GRID2: variants seen among roughly 807,000 people sequenced by gnomAD.
GRID2 encodes glutamate ionotropic receptor delta type subunit 2, also known as glutamate receptor ionotropic, delta-2.
In GRID2, 33 loss-of-function variants were observed where a neutral mutation model predicts 114.8. That is an observed-to-expected ratio of 0.29 (90% confidence interval 0.22 to 0.38). GRID2 has a LOEUF of 0.38. Among genes scored for constraint, GRID2 ranks in the 10% least tolerant of loss-of-function variants. The pLI is 1.00. For missense variants in GRID2, 1,184 were observed against 1,257.7 expected (o/e 0.94, Z 0.89); for synonymous variants, 505 against 449.9 (o/e 1.12, Z -1.55).
chr4:93,614,448 A>C (rs1167714886), intron 13 of GRID2, among the ~76,000 whole-genome samples: 1 of 152,218 alleles, frequency 6.6e-6, no homozygotes, highest in Admixed American at 6.5e-5. Flanking sequence ...GACAACCCAG[A>C]ACACAAATGC....
At chr4:92,393,464 C>T (rs576916863) in intron 1 of GRID2, among the ~76,000 whole-genome samples, 1 of 152,240 alleles carries the variant, frequency 6.6e-6, no homozygotes, top group South Asian at 2.1e-4. Flanking sequence ...CTTCCCTGCA[C>T]TCAACCTACA....
intron 2 of GRID2, among the ~76,000 whole-genome samples, chr4:92,626,052 T>C (rs968183246): frequency 1.7e-4 from 26 of 152,024 alleles, no homozygotes; most frequent in Admixed American, 1.6e-3. Flanking sequence ...ATACCTAAAA[T>C]ACTGCATAAA....
chr4:92,993,755 A>G (rs1286548597), intron 2 of GRID2, among the ~76,000 whole-genome samples: 2 of 152,214 alleles, frequency 1.3e-5, no homozygotes, highest in Non-Finnish European at 2.9e-5. Context: ...CTTGTTCAAC[A>G]CTATTTGTTA....
At chr4:92,600,563 T>A (rs1729175523) in intron 2 of GRID2, among the ~76,000 whole-genome samples, 1 of 152,170 alleles carries the variant, frequency 6.6e-6, no homozygotes, top group South Asian at 2.1e-4. Flanking sequence ...GATGACTGAC[T>A]ATGGGGACTT....
intron 3 of GRID2, among the ~76,000 whole-genome samples, chr4:93,107,558 A>G (rs1732359582): frequency 6.6e-6 from 1 of 151,988 alleles, no homozygotes; most frequent in Admixed American, 6.6e-5. Context: ...ATTTTTTTTG[A>G]GGGGGCATCT....
intron 13 of GRID2, among the ~76,000 whole-genome samples, chr4:93,520,075 G>T (rs186919012): frequency 6.6e-6 from 1 of 152,162 alleles, no homozygotes; most frequent in African/African-American, 2.4e-5. Context: ...ACAAATCCCA[G>T]ACCCTAAGAA....
chr4:93,048,014 G>A (rs17263644), intron 2 of GRID2, among the ~76,000 whole-genome samples: 23,313 of 152,046 alleles, frequency 0.15, 2,042 homozygotes, highest in Middle Eastern at 0.29. Flanking sequence ...TTGGAAACTG[G>A]AAATTAAAAT....
At chr4:92,667,815 G>T (rs1005843921) in intron 2 of GRID2, among the ~76,000 whole-genome samples, 1 of 151,650 alleles carries the variant, frequency 6.6e-6, no homozygotes, top group East Asian at 1.9e-4. Context: ...TTGATCAATT[G>T]ATGTTCAAAT....
At chr4:92,340,686 G>A (rs1383319500) in intron 1 of GRID2, among the ~76,000 whole-genome samples, 2 of 152,168 alleles carry the variant, frequency 1.3e-5, no homozygotes, top group East Asian at 1.9e-4. Flanking sequence ...CTAGACGCTT[G>A]CATAGCACTC....
At chr4:93,084,059 A>C (rs1730114322) in intron 2 of GRID2, among the ~76,000 whole-genome samples, 1 of 152,114 alleles carries the variant, frequency 6.6e-6, no homozygotes, top group African/African-American at 2.4e-5. Flanking sequence ...CTAAAATCTA[A>C]AATAAGGCTG....
intron 2 of GRID2, among the ~76,000 whole-genome samples, chr4:92,698,648 G>A (rs1374398319): frequency 6.6e-6 from 1 of 150,710 alleles, no homozygotes; most frequent in Non-Finnish European, 1.5e-5. Context: ...AAAAAAAAAA[G>A]AATGGAAAAG....
intron 8 of GRID2, among the ~76,000 whole-genome samples, chr4:93,381,012 A>G (rs1257391554): frequency 1.3e-5 from 2 of 151,992 alleles, no homozygotes; most frequent in African/African-American, 2.4e-5. Context: ...TTCTCTCCAC[A>G]TAGCCTCTAA....
chr4:92,864,625 T>G (rs989063897), intron 2 of GRID2, among the ~76,000 whole-genome samples: 1 of 152,200 alleles, frequency 6.6e-6, no homozygotes, highest in Non-Finnish European at 1.5e-5. Flanking sequence ...CTATTGCCTT[T>G]TGTAGCCTTC....
intron 14 of GRID2, among the ~76,000 whole-genome samples, chr4:93,677,333 C>T (rs1010865852): frequency 1.5e-4 from 23 of 152,022 alleles, no homozygotes; most frequent in Admixed American, 6.5e-4. Context: ...CCTCTGTAGG[C>T]TCCACCTCTG....
At chr4:93,531,289 C>T (rs1295866430) in intron 13 of GRID2, among the ~76,000 whole-genome samples, 1 of 152,146 alleles carries the variant, frequency 6.6e-6, no homozygotes, top group East Asian at 1.9e-4. Context: ...CTTATCTTCC[C>T]TTTTGCCCCA....
rs1553909011 is a variant in GRID2 at position 93,322,034 on chromosome 4, A to ATTTCTTTTAT, written c.1246-73565_1246-73564insATTTTCTTTT. ...TGCATTTTCTGGGATATTTTTTCTT[A>ATTTCTTTTAT]TTTCTTTTTTTTTCTTTTTTTTATT... On this transcript the variant is annotated intron_variant, in intron 8 of 15. Transcript: ENST00000282020. 4.1e-5 allele frequency among the ~76,000 whole-genome samples: 6 copies of ATTTCTTTTAT among 148,122 alleles called. No individual in the cohort carries two copies. In the East Asian group the frequency reaches 1.2e-3, roughly 29 times the overall value.
intron 14 of GRID2, among the ~76,000 whole-genome samples, chr4:93,680,026 G>T (rs367821418): frequency 6.6e-6 from 1 of 150,802 alleles, no homozygotes; most frequent in East Asian, 1.9e-4. Context: ...TTGATAGACC[G>T]CTAGCAAGAC....
At chr4:92,666,650 GTTTTTTT>G (rs70942922) in intron 2 of GRID2, among the ~76,000 whole-genome samples, 2 of 68,600 alleles carry the variant, frequency 2.9e-5, no homozygotes, top group African/African-American at 5.2e-5. Flanking sequence ...CTTAAGGGTT[GTTTTTTT>G]TTTTTTTTTT....
intron 1 of GRID2, among the ~76,000 whole-genome samples, chr4:92,369,839 T>C (rs1200025245): frequency 1.3e-5 from 2 of 152,250 alleles, no homozygotes; most frequent in East Asian, 3.9e-4. Context: ...ACAAAATATT[T>C]ACCAGTTAAA....
Sources: gnomAD v4.1 joint callset for allele counts (sites outside exome capture counted in the v4.1 genomes callset) on GRCh38, gnomAD v4.1.1 for gene constraint, MANE v1.5 for transcripts, NCBI Gene and HGNC (gene_info 2026-07-23, HGNC 2026-07-21) for gene names.